The following CELF2 variants were observed in gnomAD, a reference collection of about 807,000 sequenced individuals.
CELF2 encodes the protein CUGBP Elav-like family member 2, also known as CUG triplet repeat RNA-binding protein 2.
CELF2 carries 8 observed loss-of-function variants against 62.6 expected under a neutral mutation model. The observed-to-expected ratio is 0.13, with a 90% CI of 0.07 to 0.23. The LOEUF (loss-of-function observed/expected upper bound fraction) is 0.23. Ranked by LOEUF, CELF2 falls within the 10% of genes least tolerant of loss-of-function variation. The probability of loss-of-function intolerance (pLI) is 1.00; values close to 1 mark genes in which losing one functional copy is unlikely to be tolerated. For synonymous variants in CELF2, 258 were observed against 250.0 expected (o/e 1.03, Z -0.30); for missense variants, 333 against 671.0 (o/e 0.50, Z 5.56).
the CELF2 span, among the ~76,000 whole-genome samples, chr10:10,743,879 C>G: frequency 2.0e-5 from 3 of 149,802 alleles, no homozygotes; most frequent in East Asian, 2.0e-4. Context: ...CATATCGATA[C>G]AAATAAAATG....
the CELF2 span, among the ~76,000 whole-genome samples, chr10:10,583,802 A>G: frequency 6.6e-6 from 1 of 152,204 alleles, no homozygotes; most frequent in African/African-American, 2.4e-5. Context: ...GGAGTGGAAG[A>G]TACCAGGAGA....
the CELF2 span, among the ~76,000 whole-genome samples, chr10:10,630,951 G>C: frequency 1.3e-5 from 2 of 152,162 alleles, no homozygotes; most frequent in African/African-American, 4.8e-5. Flanking sequence ...TGCCTCATTA[G>C]ATAAAATGTG....
chr10:10,777,459 A>C, the CELF2 span, among the ~76,000 whole-genome samples: 5 of 151,610 alleles, frequency 3.3e-5, no homozygotes, highest in South Asian at 1.0e-3. Flanking sequence ...ATCACACCTC[A>C]CCCCTCTATC....
intron 1 of CELF2, among the ~76,000 whole-genome samples, chr10:11,061,873 C>A (rs2066823391): frequency 6.6e-6 from 1 of 152,252 alleles, no homozygotes; most frequent in Admixed American, 6.5e-5. Context: ...AGTGCAGTGG[C>A]ATGATCTCAG....
At chr10:10,730,647 A>G in the CELF2 span, among the ~76,000 whole-genome samples, 1 of 152,210 alleles carries the variant, frequency 6.6e-6, no homozygotes, top group Admixed American at 6.5e-5. Flanking sequence ...CGTGAAAACC[A>G]TGCATCCTGT....
intron 1 of CELF2, among the ~76,000 whole-genome samples, chr10:11,150,937 T>C (rs1242247884): frequency 2.0e-5 from 3 of 152,204 alleles, no homozygotes; most frequent in African/African-American, 7.2e-5. Context: ...TATAAAAATA[T>C]CAACAATGAT....
the CELF2 span, among the ~76,000 whole-genome samples, chr10:10,506,146 A>T: frequency 4.0e-4 from 61 of 152,038 alleles, no homozygotes; most frequent in Non-Finnish European, 7.2e-4. Context: ...AAATGAAGAA[A>T]AAAAATTTCC....
chr10:11,232,913 T>C (rs1222069492), intron 3 of CELF2, among the ~76,000 whole-genome samples: 1 of 152,188 alleles, frequency 6.6e-6, no homozygotes, highest in Non-Finnish European at 1.5e-5. Flanking sequence ...GTCATGATCT[T>C]CAGCCTCTTG....
At chr10:10,814,374 G>C (rs1013704483) in intron 1 of CELF2, among the ~76,000 whole-genome samples, 1 of 152,140 alleles carries the variant, frequency 6.6e-6, no homozygotes, top group African/African-American at 2.4e-5. Flanking sequence ...CATGATTGCT[G>C]TCTTCATCGC....
chr10:10,903,218 A>G (rs575428192), intron 1 of CELF2, among the ~76,000 whole-genome samples: 1 of 152,312 alleles, frequency 6.6e-6, no homozygotes, highest in South Asian at 2.1e-4. Context: ...TTTATTTTGT[A>G]TAATGTCCCT....
At chr10:10,565,531 C>T in the CELF2 span, among the ~76,000 whole-genome samples, 1 of 152,192 alleles carries the variant, frequency 6.6e-6, no homozygotes, top group African/African-American at 2.4e-5. Flanking sequence ...GTTGGATGAG[C>T]AACGCCGCTC....
At chr10:10,937,033 G>A (rs1323078230) in intron 2 of CELF2, among the ~76,000 whole-genome samples, 4 of 151,872 alleles carry the variant, frequency 2.6e-5, no homozygotes, top group Non-Finnish European at 5.9e-5. Flanking sequence ...TTGATGCTTA[G>A]GCTTCAATTA....
chr10:11,284,797 TGGTGGGC>T (rs1365932828), intron 8 of CELF2, among the ~76,000 whole-genome samples: 2 of 145,202 alleles, frequency 1.4e-5, no homozygotes. Context: ...GGTGGATGGA[TGGTGGGC>T]GGATGATGGA....
At chr10:11,320,523 C>T (rs1164618991) in intron 10 of CELF2, among the ~76,000 whole-genome samples, 1 of 152,236 alleles carries the variant, frequency 6.6e-6, no homozygotes, top group Non-Finnish European at 1.5e-5. Flanking sequence ...GAAGGGTCCA[C>T]ATGGCTTCTG....
chr10:10,730,993 A>G, the CELF2 span, among the ~76,000 whole-genome samples: 1 of 152,152 alleles, frequency 6.6e-6, no homozygotes, highest in Non-Finnish European at 1.5e-5. Flanking sequence ...GTGCTATAGG[A>G]GAAGATAGAG....
At chr10:11,287,692 G>T (rs2091682077) in intron 8 of CELF2, among the ~76,000 whole-genome samples, 1 of 152,182 alleles carries the variant, frequency 6.6e-6, no homozygotes, top group Admixed American at 6.5e-5. Flanking sequence ...ACACATTTTA[G>T]GGTTCACACT....
the CELF2 span, among the ~76,000 whole-genome samples, chr10:10,601,373 A>T: frequency 1.3e-5 from 2 of 152,202 alleles, no homozygotes; most frequent in East Asian, 1.9e-4. Flanking sequence ...ATGGTGTTGT[A>T]AACATTGTCG....
chr10:10,669,887 T>A, the CELF2 span, among the ~76,000 whole-genome samples: 1 of 148,272 alleles, frequency 6.7e-6, no homozygotes, highest in South Asian at 2.1e-4. Flanking sequence ...AGGGACTGAG[T>A]CTCTTATATG....
chr10:10,682,604 G>A, the CELF2 span, among the ~76,000 whole-genome samples: 2,424 of 151,970 alleles, frequency 0.016, 32 homozygotes, highest in African/African-American at 0.035. Flanking sequence ...GCTTTTTGTC[G>A]TTCCTGGGAT....
Sources: gnomAD v4.1 joint callset for allele counts (sites outside exome capture counted in the v4.1 genomes callset) on GRCh38, gnomAD v4.1.1 for gene constraint, MANE v1.5 for transcripts, NCBI Gene and HGNC (gene_info 2026-07-23, HGNC 2026-07-21) for gene names.